The following LRP2 variants were observed in gnomAD, a reference collection of about 807,000 sequenced individuals.
LRP2 encodes the protein LDL receptor related protein 2.
In LRP2, 172 loss-of-function variants were observed where a neutral mutation model predicts 531.0. The ratio of observed to expected loss-of-function variants is 0.32; its 90% CI spans 0.29 to 0.37. The LOEUF is 0.37. LRP2 is among the 10% of genes least tolerant of loss of function. LRP2 has a pLI of 1.00. For synonymous variants in LRP2, 1,992 were observed against 2,027.6 expected, an observed-to-expected ratio of 0.98 and a Z score of 0.47; for missense variants, 5,167 against 5,868.3, an observed-to-expected ratio of 0.88 and a Z score of 3.90.
At chr2:169,129,407 T>A (rs1685205457) in intron 77 of LRP2, among the ~76,000 whole-genome samples, 1 of 152,214 alleles carries the variant, frequency 6.6e-6, no homozygotes, top group Non-Finnish European at 1.5e-5. Context: ...AAAACAGACA[T>A]GCACAAGATG....
At chr2:169,254,829 T>C (rs1333015298) in intron 19 of LRP2, among the ~76,000 whole-genome samples, 1 of 152,008 alleles carries the variant, frequency 6.6e-6, no homozygotes, top group Non-Finnish European at 1.5e-5. Context: ...CAACTTTTTA[T>C]AATGTTTCTA....
chr2:169,263,197 T>C (rs1403573784), intron 16 of LRP2, among the ~76,000 whole-genome samples: 2 of 152,136 alleles, frequency 1.3e-5, no homozygotes, highest in African/African-American at 4.8e-5. Context: ...AAAGACTTCA[T>C]GTCTAAAACA....
intron 11 of LRP2, among the ~76,000 whole-genome samples, chr2:169,280,024 C>A (rs552467729): frequency 6.6e-6 from 1 of 152,282 alleles, no homozygotes; most frequent in South Asian, 2.1e-4. Flanking sequence ...GTGCTTTTTA[C>A]ATTTTAAATG....
At chr2:169,195,543 T>C (rs528114430) in intron 46 of LRP2, among the ~76,000 whole-genome samples, 7 of 152,310 alleles carry the variant, frequency 4.6e-5, no homozygotes, top group South Asian at 4.1e-4. Context: ...GATATATTCA[T>C]ATATAGATTA....
At chr2:169,330,620 T>C (rs558688797) in intron 1 of LRP2, among the ~76,000 whole-genome samples, 31 of 152,254 alleles carry the variant, frequency 2.0e-4, no homozygotes, top group Middle Eastern at 3.4e-3. Context: ...GGTGGGACAA[T>C]TACTCATCTT....
chr2:169,213,225 C>T (rs114432244), intron 36 of LRP2, among the ~76,000 whole-genome samples: 1,603 of 152,250 alleles, frequency 0.011, 30 homozygotes, highest in African/African-American at 0.034. Context: ...TAGCACTTTC[C>T]CAGCAGGCAT....
rs571996244 is a variant in LRP2, at chr2:169,321,299, A to G, written c.80-415T>C. 1.2e-4 allele frequency among the ~76,000 whole-genome samples: 19 copies of G among 152,292 alleles called. No homozygotes were observed. The South Asian group carries it at 3.7e-3, about 30-fold the overall frequency. ...ACAAAGGAAGTTGCAAACCTCCTAA[A>G]TGTCCAACAATAAAAGGATTAAATT... On this transcript the variant is annotated intron_variant, in intron 1 of 78. Transcript: ENST00000649046.
At chr2:169,156,716 C>T (rs769105375) in intron 64 of LRP2, among the ~76,000 whole-genome samples, 2 of 152,174 alleles carry the variant, frequency 1.3e-5, no homozygotes, top group African/African-American at 2.4e-5. Context: ...AGCACATTTT[C>T]CCTTTCAGAA....
intron 44 of LRP2, among the ~76,000 whole-genome samples, chr2:169,201,046 C>T (rs1047975637): frequency 6.6e-6 from 1 of 152,148 alleles, no homozygotes; most frequent in African/African-American, 2.4e-5. Context: ...GGTCTACATA[C>T]CAGTTCATAG....
At chr2:169,149,913 T>C (rs1686062077) in intron 68 of LRP2, among the ~76,000 whole-genome samples, 3 of 151,622 alleles carry the variant, frequency 2.0e-5, no homozygotes, top group Non-Finnish European at 4.4e-5. Flanking sequence ...TAATATCAGA[T>C]GAATTTAAAC....
chr2:169,170,458 A>T, intron 59 of LRP2, 93 bp downstream of exon 59: 2 of 931,036 alleles, frequency 2.1e-6, no homozygotes, highest in South Asian at 2.6e-5. Flanking sequence ...ATACAAAAAT[A>T]ATTTTCCTCT....
chr2:169,175,043 A>C (rs764672228), intron 55 of LRP2, 150 bp downstream of exon 55: 6 of 691,366 alleles, frequency 8.7e-6, no homozygotes, highest in Non-Finnish European at 1.2e-5. Context: ...AAAAAACTTC[A>C]TAAAAATAGA....
At chr2:169,320,148 A>G (rs565904726) in intron 2 of LRP2, among the ~76,000 whole-genome samples, 4 of 152,332 alleles carry the variant, frequency 2.6e-5, no homozygotes, top group African/African-American at 4.8e-5. Flanking sequence ...CCGAGTCTCA[A>G]TTTACTAATC....
At chr2:169,150,321 C>T (rs1686075052) in intron 68 of LRP2, among the ~76,000 whole-genome samples, 1 of 152,126 alleles carries the variant, frequency 6.6e-6, no homozygotes, top group African/African-American at 2.4e-5. Context: ...CAAGTCATTT[C>T]AGCTTAGTGA....
At chr2:169,292,730 A>G (rs1309997421) in intron 6 of LRP2, among the ~76,000 whole-genome samples, 1 of 146,902 alleles carries the variant, frequency 6.8e-6, no homozygotes, top group African/African-American at 2.5e-5. Context: ...CAGGAGGCTG[A>G]GGTGGGAGGA....
At chr2:169,169,643 T>C in intron 60 of LRP2, 59 bp downstream of exon 60, 1 of 1,351,840 alleles carries the variant, frequency 7.4e-7, no homozygotes, top group Non-Finnish European at 1.1e-6. Flanking sequence ...GACTGATGTC[T>C]AAACTATCAT....
At chr2:169,204,332 G>A in intron 41 of LRP2, 61 bp from the exon 42 acceptor site, 2 of 1,517,250 alleles carry the variant, frequency 1.3e-6, no homozygotes, top group African/African-American at 2.7e-5. Flanking sequence ...GTTTTCAACT[G>A]GCAGCCCAAT....
In LRP2 at chr2:169,271,428, G is replaced by A. The variant is rs182243701; in HGVS notation, c.2117-321C>T. 2.8e-4 allele frequency among the ~76,000 whole-genome samples: 43 copies of A among 151,838 alleles called. No individual in the cohort carries two copies. The East Asian group carries it at 8.0e-3, about 28-fold the overall frequency. ...ACATCTAATGTAATGACGAGTTAAC[G>A]GGTGCAGCACACCAACATGGCACAT... On this transcript the variant is annotated intron_variant, in intron 15 of 78. Coordinates refer to ENST00000649046, the MANE Select transcript of LRP2 (RefSeq NM_004525.3).
intron 67 of LRP2, among the ~76,000 whole-genome samples, chr2:169,151,876 G>A (rs4667593): frequency 0.46 from 70,081 of 151,898 alleles, 16,838 homozygotes; most frequent in Admixed American, 0.6. Flanking sequence ...TAGCCTGCAG[G>A]CACAGCGGGA....
Sources: allele counts gnomAD v4.1 joint callset (sites outside exome capture counted in the v4.1 genomes callset), GRCh38; gene constraint gnomAD v4.1.1; transcripts MANE v1.5; gene names NCBI Gene and HGNC (gene_info 2026-07-23, HGNC 2026-07-21).